Variants in RELN observed in about 807,000 individuals in gnomAD.
The protein encoded by RELN is reelin.
Under a neutral mutation model 427.6 loss-of-function variants are expected in RELN, and 108 were observed. The observed-to-expected ratio is 0.25, with a 90% CI of 0.22 to 0.30. RELN has a LOEUF of 0.30. Among genes scored for constraint, RELN ranks in the 10% least tolerant of loss-of-function variants. The pLI is 1.00. For missense variants in RELN, 3,715 were observed against 4,302.8 expected (o/e 0.86, Z 3.82); for synonymous variants, 1,524 against 1,513.4 (o/e 1.01, Z -0.16).
At chr7:103,747,359 T>C (rs1333963506) in intron 6 of RELN, among the ~76,000 whole-genome samples, 1 of 151,350 alleles carries the variant, frequency 6.6e-6, no homozygotes, top group Non-Finnish European at 1.5e-5. Flanking sequence ...CACATATATA[T>C]ATGTGTAACA....
chr7:103,782,780 T>C (rs1001715012), intron 3 of RELN, among the ~76,000 whole-genome samples: 1 of 152,312 alleles, frequency 6.6e-6, no homozygotes, highest in Admixed American at 6.5e-5. Flanking sequence ...ATTTGTTGAT[T>C]TCATGAATCA....
chr7:103,685,826 C>G (rs1833754620), intron 10 of RELN, among the ~76,000 whole-genome samples: 1 of 152,078 alleles, frequency 6.6e-6, no homozygotes. Flanking sequence ...AACTAAGTGA[C>G]AAGAATTTGC....
At chr7:103,857,044 A>C (rs1006088922) in intron 2 of RELN, among the ~76,000 whole-genome samples, 4 of 152,182 alleles carry the variant, frequency 2.6e-5, no homozygotes, top group African/African-American at 4.8e-5. Context: ...AGCAAAGGTT[A>C]TTAGTAAAAA....
chr7:103,592,458 C>A (rs1468412753), intron 27 of RELN, among the ~76,000 whole-genome samples: 1 of 151,916 alleles, frequency 6.6e-6, no homozygotes, highest in South Asian at 2.1e-4. Flanking sequence ...TTTAGGTGGT[C>A]TTTGCTAGTG....
chr7:103,717,057 G>A (rs894953066), intron 8 of RELN, among the ~76,000 whole-genome samples: 1 of 152,070 alleles, frequency 6.6e-6, no homozygotes, highest in Non-Finnish European at 1.5e-5. Flanking sequence ...GTGACAAATT[G>A]AATATCTCAA....
chr7:103,721,658 C>T (rs1790080043), intron 8 of RELN, among the ~76,000 whole-genome samples: 1 of 152,056 alleles, frequency 6.6e-6, no homozygotes. Flanking sequence ...GAATAAAGTA[C>T]AAATAATATT....
chr7:103,636,499 A>T (rs1336497084), intron 17 of RELN, 31 bp from the exon 18 acceptor site: 8 of 1,427,682 alleles, frequency 5.6e-6, no homozygotes, highest in Non-Finnish European at 7.9e-6. Flanking sequence ...TTAAATCTTA[A>T]ACTGTTGGCT....
intron 1 of RELN, among the ~76,000 whole-genome samples, chr7:103,950,238 TACC>T (rs1244676920): frequency 6.6e-6 from 1 of 152,188 alleles, no homozygotes; most frequent in African/African-American, 2.4e-5. Context: ...TACTTCCTAA[TACC>T]ATCACTTTGG....
chr7:103,857,058 T>C (rs1793964333), intron 2 of RELN, among the ~76,000 whole-genome samples: 2 of 152,140 alleles, frequency 1.3e-5, no homozygotes, highest in African/African-American at 4.8e-5. Flanking sequence ...GTAAAAACTA[T>C]CCTAGTTGGT....
At chr7:103,494,277 C>T (rs1359188851) in intron 57 of RELN, among the ~76,000 whole-genome samples, 3 of 151,956 alleles carry the variant, frequency 2.0e-5, no homozygotes, top group Admixed American at 6.6e-5. Context: ...TTACTATTAA[C>T]TGTCATTGTA....
intron 8 of RELN, among the ~76,000 whole-genome samples, chr7:103,706,067 C>G (rs996396769): frequency 2.0e-5 from 3 of 152,128 alleles, no homozygotes; most frequent in African/African-American, 7.2e-5. Flanking sequence ...TTCCTCTATA[C>G]TTTCTTTTAC....
chr7:103,734,066 T>C (rs1790430663), intron 6 of RELN, among the ~76,000 whole-genome samples: 1 of 152,156 alleles, frequency 6.6e-6, no homozygotes. Flanking sequence ...TCAATTTTCT[T>C]TAGGCTCAGT....
chr7:103,756,570 T>C (rs1019321404), intron 4 of RELN, among the ~76,000 whole-genome samples: 3 of 152,306 alleles, frequency 2.0e-5, no homozygotes, highest in African/African-American at 7.2e-5. Context: ...AGTTGTAATA[T>C]ATTTTATGAT....
At chr7:103,588,617 T>C (rs1161075724) in intron 28 of RELN, among the ~76,000 whole-genome samples, 3 of 152,056 alleles carry the variant, frequency 2.0e-5, no homozygotes, top group Non-Finnish European at 2.9e-5. Flanking sequence ...CATACAAAAG[T>C]GTAAAAGCTA....
intron 10 of RELN, among the ~76,000 whole-genome samples, chr7:103,693,737 A>G (rs1833920653): frequency 6.6e-6 from 1 of 152,054 alleles, no homozygotes; most frequent in Admixed American, 6.6e-5. Context: ...GTGTTAAGGA[A>G]TGATGCTAGA....
chr7:103,756,704 GATTTA>G (rs1403657882), intron 4 of RELN, among the ~76,000 whole-genome samples: 1 of 152,080 alleles, frequency 6.6e-6, no homozygotes, highest in African/African-American at 2.4e-5. Context: ...TATTTACCTG[GATTTA>G]ATTTAACTCA....
rs529192602 is a variant in RELN, at chr7:103,949,755, C to G, written c.227-32570G>C. On this transcript the variant is annotated intron_variant, in intron 1 of 64. Coordinates refer to ENST00000428762, the MANE Select transcript of RELN (RefSeq NM_005045.4). ...CCTTTCATAATTGGTAGAAAATTAA[C>G]CGGTATGGTTTCTCAAGAATGTAAA... Among the ~76,000 whole-genome samples the G allele has an allele frequency of 3.3e-5, 5 of 152,252 alleles. No homozygotes were observed. In the South Asian group the frequency reaches 1.0e-3, roughly 32 times the overall value.
intron 10 of RELN, among the ~76,000 whole-genome samples, chr7:103,695,116 G>T (rs574840120): frequency 3.3e-5 from 5 of 152,122 alleles, no homozygotes; most frequent in African/African-American, 9.6e-5. Flanking sequence ...TCACCTCAGA[G>T]GCCATCAAGT....
intron 2 of RELN, among the ~76,000 whole-genome samples, chr7:103,899,474 G>A (rs10458283): frequency 0.35 from 52,973 of 151,766 alleles, 9,691 homozygotes; most frequent in East Asian, 0.67. Flanking sequence ...CCAAAACCTG[G>A]CAGAGACACA....
Sources: gnomAD v4.1 joint callset for allele counts (sites outside exome capture counted in the v4.1 genomes callset) on GRCh38, gnomAD v4.1.1 for gene constraint, MANE v1.5 for transcripts, NCBI Gene and HGNC (gene_info 2026-07-23, HGNC 2026-07-21) for gene names.